Variants in CPT1C observed in about 807,000 individuals in gnomAD.
CPT1C encodes the protein carnitine palmitoyltransferase 1C, also known as palmitoyl thioesterase CPT1C.
In CPT1C, 61 loss-of-function variants were observed where a neutral mutation model predicts 97.3. That is an observed-to-expected ratio of 0.63 (90% CI 0.51 to 0.78). The LOEUF (loss-of-function observed/expected upper bound fraction) is 0.78. Among genes scored for constraint, CPT1C ranks in the 30% least tolerant of loss-of-function variants. The pLI, the probability that CPT1C is intolerant of heterozygous loss-of-function variation, is 0.00. For missense variants in CPT1C, 975 were observed against 1,065.5 expected (o/e 0.92, Z 1.18); for synonymous variants, 469 against 447.2 (o/e 1.05, Z -0.61).
At chr19:49,697,579 T>C in intron 4 of CPT1C, 114 bp downstream of exon 4, 1 of 1,252,842 alleles carries the variant, frequency 8.0e-7, no homozygotes. Flanking sequence ...AGACTTACAT[T>C]GGGTCAGATT....
chr19:49,710,216 G>A (rs139979409), intron 14 of CPT1C, 104 bp from the exon 15 acceptor site: 85 of 1,121,230 alleles, frequency 7.6e-5, no homozygotes, highest in African/African-American at 1.1e-4. Flanking sequence ...ATATTCTGCC[G>A]CAACCTTAAC....
intron 3 of CPT1C, among the ~76,000 whole-genome samples, chr19:49,694,836 A>C (rs2123130287): frequency 6.6e-6 from 1 of 151,888 alleles, no homozygotes; most frequent in South Asian, 2.1e-4. Flanking sequence ...TACCAACTAA[A>C]GTGTTAACAT....
Position 49,710,844 on chromosome 19 carries a change from A to G in CPT1C, c.1853A>G (p.Asp618Gly). Residue 618 changes from aspartate to glycine, a missense_variant, in exon 16 of 20, where the codon GAC (aspartate) becomes GGC (glycine). By Grantham distance (94) the Asp-to-Gly change is moderately conservative (BLOSUM62 -1). Around this residue, in one of 3 missense-constraint regions of CPT1C, gnomAD observed 344 missense variants for 395.7 expected, o/e 0.87. Transcript: ENST00000598293. The part of the protein sequence containing the change: ...EACNFVRAME[D>G]KEKTDPQCLA... ...TGCAACTTTGTCAGGGCCATGGAGG[A>G]CAAAGAGAAGACGGTGGGTGCAGCC... The G allele has an allele frequency of 6.2e-7, 1 of 1,612,730 alleles. No individual in the cohort carries two copies. Among genetic ancestry groups the G allele is most frequent in the South Asian group, 1.1e-5 (1 of 91,038 alleles).
At position 49,701,516 on chromosome 19, in the gene CPT1C, C is replaced by A; in HGVS notation, c.575C>A (p.Pro192His). Residue 192 changes from proline to histidine, a missense_variant, in exon 7 of 20, where the codon CCC (proline) becomes CAC (histidine). Transcript: ENST00000598293. ...CTTTAGTACCTGGAGTCGGTCCGGC[C>A]CATCCTCTCCGACGAGGACTTCGAC... is the stretch of plus-strand genomic sequence containing the variant. ...TVRKYLESVRPILSDEDFDWT... is the reference protein window; with the variant it reads ...TVRKYLESVRHILSDEDFDWT... 6.2e-7 allele frequency: 1 copy of A among 1,611,234 alleles called. No homozygotes were observed. Among genetic ancestry groups the A allele is most frequent in the Non-Finnish European group, 8.5e-7 (1 of 1,178,218 alleles).
intron 2 of CPT1C, 170 bp from the exon 3 acceptor site, chr19:49,692,069 T>G: frequency 1.7e-6 from 1 of 576,290 alleles, no homozygotes; most frequent in African/African-American, 2.0e-5. Context: ...GGGCCTGGGC[T>G]TCTGGGTCTG....
Position 49,700,680 on chromosome 19 carries a change from G to A in CPT1C, c.282-4G>A, listed in dbSNP as rs375985389. 9 of 1,606,640 alleles carry A rather than the reference G, an allele frequency of 5.6e-6. No individual in the cohort carries two copies. Among genetic ancestry groups the A allele is most frequent in the African/African-American group, 2.7e-5 (2 of 74,910 alleles). ...AGGCCCAGCCTCTGTTTCTCTCCCC[G>A]CAGGGGTGGACAACACCACGGGCTC... is the stretch of plus-strand genomic sequence containing the variant. On this transcript the variant is annotated splice_polypyrimidine_tract_variant and splice_region_variant and intron_variant, in intron 4 of 19. Transcript: ENST00000598293.
intron 17 of CPT1C, 155 bp downstream of exon 17, chr19:49,712,116 G>A (rs920492194): frequency 2.2e-6 from 2 of 911,302 alleles, no homozygotes; most frequent in Non-Finnish European, 3.2e-6. Flanking sequence ...GCCGAGGCAG[G>A]CGGATCACTT....
intron 13 of CPT1C, among the ~76,000 whole-genome samples, chr19:49,708,002 C>CA (rs60276067): frequency 0.057 from 3,197 of 56,096 alleles, 79 homozygotes; most frequent in Non-Finnish European, 0.08. Context: ...GAATACATCT[C>CA]AAAAAAAAAA....
At chr19:49,700,107 C>T (rs1022651561) in intron 4 of CPT1C, among the ~76,000 whole-genome samples, 1 of 151,346 alleles carries the variant, frequency 6.6e-6, no homozygotes, top group African/African-American at 2.4e-5. Flanking sequence ...AATAGCCGGG[C>T]GTGGTGGTGG....
rs1240335287 is a variant in CPT1C, at chr19:49,705,929, G to A, written c.985G>A (p.Asp329Asn). The A allele has an allele frequency of 6.2e-7, 1 of 1,613,672 alleles. No homozygotes were observed. The highest frequency in any genetic ancestry group is 8.5e-7 in the Non-Finnish European group (1 of 1,179,832). ...CCTAGACTACATCCGCCACCTCCAT[G>A]ACAGCCAACACGTGGCTGTCTTCCA... is the stretch of plus-strand genomic sequence containing the variant. ...VQKDYIRHLH[D>N]SQHVAVFHRG... Residue 329 changes from aspartate (D) to asparagine (N), a missense_variant, in exon 11 of 20, where the codon GAC (aspartate) becomes AAC (asparagine). This residue lies in a region of CPT1C where 596 missense variants were observed against 603.1 expected (regional missense o/e 0.99). Transcript: ENST00000598293.
rs749555930 is a variant in CPT1C at position 49,700,794 on chromosome 19, C to T, written c.392C>T (p.Ser131Phe). The change falls in exon 5 of 20, where the codon TCC becomes TTC. Residue 131 changes from serine to phenylalanine, a missense_variant. Coordinates refer to ENST00000598293, the MANE Select transcript of CPT1C (RefSeq NM_001199753.2). ...TLHVALRLLL[S>F]YHGWLLEPHG... ...CACGTGGCCCTGAGGCTGCTTCTGT[C>T]CTACCACGGCTGGCTTCTTGAGCCC... The T allele has an allele frequency of 9.9e-6, 16 of 1,613,414 alleles. No homozygotes were observed. The East Asian group carries it at 3.6e-4, about 36-fold the overall frequency.
chr19:49,701,781 G>A (rs1039714063), intron 7 of CPT1C, 147 bp downstream of exon 7: 5 of 597,086 alleles, frequency 8.4e-6, no homozygotes, highest in Non-Finnish European at 1.3e-5. Context: ...CCTGAGCCCC[G>A]CTCACATACA....
In CPT1C at chr19:49,701,624, C is replaced by A; in HGVS notation, c.683C>A (p.Ala228Glu). The change falls in exon 7 of 20, where the codon GCG becomes GAG. Residue 228 changes from alanine to glutamate, a missense_variant. Coordinates refer to ENST00000598293, the MANE Select transcript of CPT1C (RefSeq NM_001199753.2). ...TACCTGCGGCTCAAGTCCTGGTGGG[C>A]GTCCAATTATGTGAGTCCCGCCACC... ...QWYLRLKSWW[A>E]SNYVSDWWEE... 6.2e-7 allele frequency: 1 copy of A among 1,601,952 alleles called. No individual in the cohort carries two copies. The highest frequency in any genetic ancestry group is 8.5e-7 in the Non-Finnish European group (1 of 1,171,940).
chr19:49,705,492 G>A (rs75984942), intron 10 of CPT1C, among the ~76,000 whole-genome samples, 194 bp downstream of exon 10: 4,792 of 152,244 alleles, frequency 0.031, 213 homozygotes, highest in East Asian at 0.15. Context: ...TGGGCGCAGT[G>A]ACTGATGCCT....
At chr19:49,705,657 G>A (rs907616852) in intron 10 of CPT1C, among the ~76,000 whole-genome samples, 1 of 152,114 alleles carries the variant, frequency 6.6e-6, no homozygotes, top group Non-Finnish European at 1.5e-5. Flanking sequence ...TTAATCGGGA[G>A]CCTGAAGTGG....
rs376653455 is a variant in CPT1C at position 49,707,615 on chromosome 19, A to T, written c.1441A>T (p.Met481Leu). 21 of 1,608,392 alleles carry T rather than the reference A, an allele frequency of 1.3e-5. No individual in the cohort carries two copies. Among genetic ancestry groups the T allele is most frequent in the Non-Finnish European group, 1.8e-5 (21 of 1,177,562 alleles). The change falls in exon 13 of 20, where the codon ATG becomes TTG. Residue 481 changes from methionine to leucine, a missense_variant. By Grantham distance (15) the Met-to-Leu change is conservative. Transcript: ENST00000598293. ...SWADCPISGH[M>L]WEFTLATECF... ...GGCCGACTGCCCCATCTCAGGACAC[A>T]TGTGGGAGGTAGGGCGGCCAGCCCT... is the stretch of plus-strand genomic sequence containing the variant.
Position 49,706,250 on chromosome 19 carries a change from C to T in CPT1C, c.1180C>T (p.Arg394Trp), listed in dbSNP as rs774069280. The stretch of plus-strand genomic sequence containing the variant: ...CTCCAGGGGCACGTGGGCCCAGGTG[C>T]GGACATCCCTGAAGACCCAGGCAGC... ...AAPRGTWAQV[R>W]TSLKTQAAEA... Residue 394 changes from arginine to tryptophan, a missense_variant, in exon 12 of 20, where the codon CGG becomes TGG. Arg to Trp is a moderately radical substitution (Grantham distance 101). Coordinates refer to ENST00000598293, the MANE Select transcript of CPT1C (RefSeq NM_001199753.2). The surrounding 1 kb of genome is among the most constrained non-coding windows in gnomAD (Gnocchi z 4.8). 16 of 1,538,828 alleles carry T rather than the reference C, an allele frequency of 1.0e-5. No homozygotes were observed. Among genetic ancestry groups the T allele is most frequent in the Middle Eastern group, 3.5e-4 (2 of 5,740 alleles).
At chr19:49,701,068 CCCCCCT>C (rs2083008928) in intron 5 of CPT1C, among the ~76,000 whole-genome samples, 1 of 86,330 alleles carries the variant, frequency 1.2e-5, no homozygotes, top group Non-Finnish European at 2.1e-5. Flanking sequence ...TGTCTCCGTC[CCCCCCT>C]CTGGGTCTCT....
chr19:49,712,761 C>T lies in CPT1C; in HGVS notation c.2045C>T (p.Ser682Phe). The change falls in exon 18 of 20, where the codon TCC becomes TTC. Residue 682 changes from serine to phenylalanine, a missense_variant. Coordinates refer to ENST00000598293, the MANE Select transcript of CPT1C (RefSeq NM_001199753.2). ...TQVHSEQWQL[S>F]TSQIPVQQMH... is the part of the protein sequence containing the mutation. Reference sequence around the variant, plus strand: ...GTCCATTCGGAGCAGTGGCAGCTGTCCACCAGCCAGATCCCTGTTCAGCAA... The same window carrying T: ...GTCCATTCGGAGCAGTGGCAGCTGTTCACCAGCCAGATCCCTGTTCAGCAA... The T allele has an allele frequency of 6.2e-7, 1 of 1,613,844 alleles. No homozygotes were observed. Among genetic ancestry groups the T allele is most frequent in the Non-Finnish European group, 8.5e-7 (1 of 1,179,776 alleles).
Sources: gnomAD v4.1 joint callset for allele counts (sites outside exome capture counted in the v4.1 genomes callset) on GRCh38, gnomAD v4.1.1 for gene constraint, gnomAD v4.1.1 regional missense constraint, Gnocchi (gnomAD v3.1) non-coding constraint, MANE v1.5 for transcripts, NCBI Gene and HGNC (gene_info 2026-07-23, HGNC 2026-07-21) for gene names.